Variants in PLP2 observed in about 807,000 individuals in gnomAD.
PLP2 encodes the protein A4 differentiation-dependent protein.
Under a neutral mutation model 11.4 loss-of-function variants are expected in PLP2, and 8 were observed. The ratio of observed to expected loss-of-function variants is 0.70; its 90% CI spans 0.41 to 1.27. The LOEUF is 1.27. PLP2 is among the 50% of genes most tolerant of loss of function. The pLI, the probability that PLP2 is intolerant of heterozygous loss-of-function variation, is 0.01. For missense variants in PLP2, 127 were observed against 123.5 expected, an observed-to-expected ratio of 1.03 and a Z score of -0.14; for synonymous variants, 50 against 53.2, an observed-to-expected ratio of 0.94 and a Z score of 0.26.
Position 49,173,256 on chromosome X carries a change from T to C in PLP2, c.224T>C (p.Ile75Thr). ...VVYMCDLHTKIPFINWPWSDF... is the reference protein window; with the variant it reads ...VVYMCDLHTKTPFINWPWSDF... ...TACATGTGTGACCTGCACACCAAGATACCATTCATCAACTGGCCCTGGAGT... is the reference window on the plus strand; with the variant it reads ...TACATGTGTGACCTGCACACCAAGACACCATTCATCAACTGGCCCTGGAGT... The change falls in exon 2 of 5, where the codon ATA (isoleucine) becomes ACA (threonine). Residue 75 changes from isoleucine (I) to threonine (T), a missense_variant. Coordinates refer to ENST00000376327, the MANE Select transcript of PLP2 (RefSeq NM_002668.3). 4 of 1,211,354 alleles carry C rather than the reference T, an allele frequency of 3.3e-6. No individual in the cohort carries two copies. The highest frequency in any genetic ancestry group is 3.4e-6 in the Non-Finnish European group (3 of 895,140).
rs183461545 is a variant in PLP2 at position 49,174,572 on chromosome X, C to T, written c.437-100C>T. 338 of 917,620 alleles carry T rather than the reference C, an allele frequency of 3.7e-4. No individual in the cohort carries two copies. In the African/African-American group the frequency reaches 5.6e-3, roughly 15 times the overall value. 75.6% of individuals were successfully genotyped at this position (917,620 alleles called of 1,213,427 possible). A position where few individuals can be genotyped will look rare whatever the true frequency, so the allele number is the denominator to read the frequency against. On this transcript the variant is annotated intron_variant, in intron 4 of 4. Transcript: ENST00000376327. ...TTGTACCAATAGGTACCATAAGCTTCGGTATTCTTGTGTGTAAAATGTTCA... is the reference window on the plus strand; with the variant it reads ...TTGTACCAATAGGTACCATAAGCTTTGGTATTCTTGTGTGTAAAATGTTCA...
intron 4 of PLP2, 39 bp from the exon 5 acceptor site, chrX:49,174,633 A>C (rs1236187762): frequency 1.9e-5 from 22 of 1,180,541 alleles, no homozygotes; most frequent in Non-Finnish European, 2.5e-5. Flanking sequence ...ATGGGCATAT[A>C]GATTCAGCCA....
chrX:49,173,864 G>A (rs1344266079), intron 3 of PLP2, among the ~76,000 whole-genome samples: 1 of 112,075 alleles, frequency 8.9e-6, no homozygotes, highest in Non-Finnish European at 1.9e-5. Context: ...GAGGTCAGGA[G>A]TTCAAGACCA....
intron 3 of PLP2, 179 bp downstream of exon 3, chrX:49,173,662 T>G: frequency 1.0e-6 from 1 of 981,764 alleles, no homozygotes; most frequent in Non-Finnish European, 1.4e-6. Flanking sequence ...TCATTTGCTG[T>G]GAAGGGAAGT....
At chrX:49,173,363 C>G in intron 2 of PLP2, 25 bp from the exon 3 acceptor site, 3 of 1,207,996 alleles carry the variant, frequency 2.5e-6, no homozygotes, top group Non-Finnish European at 2.2e-6. Flanking sequence ...GCTGACTTCC[C>G]TCTTCTCCTC....
chrX:49,174,297 G>C, intron 3 of PLP2, 38 bp from the exon 4 acceptor site: 2 of 1,016,772 alleles, frequency 2.0e-6, no homozygotes, highest in South Asian at 3.8e-5. Flanking sequence ...AACCTGACCA[G>C]CTAATCTAAA....
In PLP2 at chrX:49,174,436, G is replaced by GTT; in HGVS notation, c.436+12_436+13insTT. 2 of 1,176,826 alleles carry GTT rather than the reference G, an allele frequency of 1.7e-6. 1 individual carries two copies. On this transcript the variant is annotated intron_variant, in intron 4 of 4. Coordinates refer to ENST00000376327, the MANE Select transcript of PLP2 (RefSeq NM_002668.3). ...CAGCAGCCCCCACTGGTAAGTGTGT[G>GTT]TGTGTGTTGGTTGGGGGTAAGGGGG...
Position 49,173,154 on chromosome X carries a change from G to A in PLP2, c.122G>A (p.Cys41Tyr), listed in dbSNP as rs1416539548. 1.7e-5 allele frequency: 21 copies of A among 1,208,117 alleles called. No homozygotes were observed. The highest frequency in any genetic ancestry group is 2.1e-5 in the Non-Finnish European group (19 of 893,922). ...EIILCLVILI[C>Y]FSASTPGYSS... Reference sequence around the variant, plus strand: ...ATATTATGCCTGGTGATCCTGATCTGCTTCAGTGCCTCCACACCAGGCTAC... The same window carrying A: ...ATATTATGCCTGGTGATCCTGATCTACTTCAGTGCCTCCACACCAGGCTAC... Residue 41 changes from cysteine to tyrosine, a missense_variant, in exon 2 of 5, where the codon TGC becomes TAC. Transcript: ENST00000376327.
At position 49,173,082 on chromosome X, in the gene PLP2, A is replaced by G. The variant is rs369300670; in HGVS notation, c.97-47A>G. ...ACCCCCAATTTAAACCAATCTTCTC[A>G]GCCCTGGTTGCTGATTGAGGTCCCC... On this transcript the variant is annotated intron_variant, in intron 1 of 4. Coordinates refer to ENST00000376327, the MANE Select transcript of PLP2 (RefSeq NM_002668.3). 1.2e-5 allele frequency: 14 copies of G among 1,167,112 alleles called. No individual in the cohort carries two copies. The South Asian group carries it at 1.4e-4, about 12-fold the overall frequency.
rs200730422 is a variant in PLP2, at chrX:49,174,429, AGT to A, written c.436+17_436+18del. On this transcript the variant is annotated splice_donor_5th_base_variant and intron_variant, in intron 4 of 4. Transcript: ENST00000376327. ...AGACATACAGCAGCCCCCACTGGTA[AGT>A]GTGTGTGTGTGTTGGTTGGGGGTAA... The A allele has an allele frequency of 5.9e-5, 54 of 915,448 alleles. No individual in the cohort carries two copies. Among genetic ancestry groups the A allele is most frequent in the African/African-American group, 4.3e-4 (22 of 51,430 alleles). 75.4% of individuals were successfully genotyped at this position (915,448 alleles called of 1,213,427 possible).
chrX:49,173,224 T>C lies in PLP2; in HGVS notation c.192T>C (p.Phe64=), dbSNP rs1160154280. The change falls in exon 2 of 5, where the codon TTT becomes TTC. Residue 64 remains phenylalanine, a synonymous_variant. Coordinates refer to ENST00000376327, the MANE Select transcript of PLP2 (RefSeq NM_002668.3). Reference sequence around the variant, plus strand: ...AGATGATCCTTGCTGCTATTTTCTTTGTTGTCTACATGTGTGACCTGCACA... The same window carrying C: ...AGATGATCCTTGCTGCTATTTTCTTCGTTGTCTACATGTGTGACCTGCACA... ...VIEMILAAIF[F]VVYMCDLHTK... is the part of the protein sequence containing the mutation. 5.0e-6 allele frequency: 6 copies of C among 1,208,899 alleles called. No individual in the cohort carries two copies. Among genetic ancestry groups the C allele is most frequent in the Non-Finnish European group, 6.7e-6 (6 of 894,479 alleles).
chrX:49,172,168 C>A, intron 1 of PLP2, 72 bp downstream of exon 1: 1 of 782,376 alleles, frequency 1.3e-6, no homozygotes, highest in Non-Finnish European at 1.9e-6. Context: ...CTGGATGGTC[C>A]GGGTGAGGCA....
At chrX:49,172,202 A>G (rs2065395081) in intron 1 of PLP2, 106 bp downstream of exon 1, 1 of 581,400 alleles carries the variant, frequency 1.7e-6, no homozygotes, top group East Asian at 3.6e-5. Context: ...GGCGCTCGGC[A>G]GTGGGGTGCA....
chrX:49,174,460 G>A (rs1557099585), intron 4 of PLP2, 35 bp downstream of exon 4: 1 of 1,115,390 alleles, frequency 9.0e-7, no homozygotes, highest in Admixed American at 2.2e-5. Flanking sequence ...GGGGTAAGGG[G>A]GTTGCTGAGA....
At position 49,174,731 on chromosome X, in the gene PLP2, A is replaced by G. The variant is rs781921002; in HGVS notation, c.*37A>G. ...TCATTTCTCTCTGCAATCTGCAAAT[A>G]ACTCCTCCATTGAAATAACTCCTCC... On this transcript the variant is annotated 3_prime_UTR_variant, in exon 5 of 5. Transcript: ENST00000376327. 8.9e-7 allele frequency: 1 copy of G among 1,125,954 alleles called. No individual in the cohort carries two copies. The highest frequency in any genetic ancestry group is 3.0e-5 in the East Asian group (1 of 33,398). The allele number at this position is 1,125,954 out of a possible 1,213,427, so 92.8% of individuals were successfully genotyped here.
In PLP2 at chrX:49,174,335, G is replaced by A. The variant is rs2065403230; in HGVS notation, c.346G>A (p.Val116Ile). 8.3e-7 allele frequency: 1 copy of A among 1,201,816 alleles called. No individual in the cohort carries two copies. The highest frequency in any genetic ancestry group is 1.7e-5 in the African/African-American group (1 of 57,585). Reference protein sequence around the residue: ...RGNHSKIVAGVLGLIATCLFG... With the variant: ...RGNHSKIVAGILGLIATCLFG... Reference sequence around the variant, plus strand: ...CCCTCACTCCTATCCTGTCCCCCAGGTACTGGGCCTAATCGCTACGTGCCT... The same window carrying A: ...CCCTCACTCCTATCCTGTCCCCCAGATACTGGGCCTAATCGCTACGTGCCT... The change falls in exon 4 of 5, where the codon GTA becomes ATA. Residue 116 changes from valine to isoleucine, a missense_variant and splice_region_variant. Coordinates refer to ENST00000376327, the MANE Select transcript of PLP2 (RefSeq NM_002668.3).
Position 49,174,822 on chromosome X carries a change from A to T in PLP2, c.*128A>T. On this transcript the variant is annotated 3_prime_UTR_variant, in exon 5 of 5. Transcript: ENST00000376327. ...CCCTCTTTGAGGTAAAAGTGCCTTTATTGGGAGACTTTTGTCTTCCAGCCT... is the reference window on the plus strand; with the variant it reads ...CCCTCTTTGAGGTAAAAGTGCCTTTTTTGGGAGACTTTTGTCTTCCAGCCT... The T allele has an allele frequency of 3.3e-6, 2 of 600,953 alleles. No homozygotes were observed. Among genetic ancestry groups the T allele is most frequent in the Non-Finnish European group, 5.6e-6 (2 of 355,828 alleles). 49.5% of individuals were successfully genotyped at this position (600,953 alleles called of 1,213,427 possible). A position where few individuals can be genotyped will look rare whatever the true frequency, so the allele number is the denominator to read the frequency against.
chrX:49,172,062 G>T lies in PLP2; in HGVS notation c.62G>T (p.Arg21Leu). The T allele has an allele frequency of 1.7e-6, 2 of 1,206,619 alleles. No individual in the cohort carries two copies. Among genetic ancestry groups the T allele is most frequent in the Non-Finnish European group, 2.2e-6 (2 of 890,972 alleles). Residue 21 changes from arginine to leucine, a missense_variant, in exon 1 of 5, where the codon CGC (arginine) becomes CTC (leucine). Physicochemically the swap from Arg to Leu is moderately radical, Grantham distance 102 (BLOSUM62 -2). Transcript: ENST00000376327. ...GCWAACTNFS[R>L]TRKGILLFAE... ...TGGGCCGCCTGCACCAACTTCTCGC[G>T]CACTCGAAAGGGAATCCTCCTGTTT...
chrX:49,173,327 G>C, intron 2 of PLP2, 46 bp downstream of exon 2: 1 of 1,207,055 alleles, frequency 8.3e-7, no homozygotes, highest in Non-Finnish European at 1.1e-6. Flanking sequence ...GGTCTGGGCA[G>C]TTAGGATTGT....
Sources: gnomAD v4.1 joint callset for allele counts (sites outside exome capture counted in the v4.1 genomes callset) on GRCh38, gnomAD v4.1.1 for gene constraint, MANE v1.5 for transcripts, NCBI Gene and HGNC (gene_info 2026-07-23, HGNC 2026-07-21) for gene names.